Variants in PLEKHF2 observed in about 807,000 individuals in gnomAD.
PLEKHF2 encodes the protein pleckstrin homology domain-containing family F member 2.
PLEKHF2 carries 4 observed loss-of-function variants against 14.7 expected under a neutral mutation model. The ratio of observed to expected loss-of-function variants is 0.27; its 90% CI spans 0.13 to 0.62. The LOEUF (loss-of-function observed/expected upper bound fraction) is 0.62. PLEKHF2 is among the 20% of genes least tolerant of loss of function. The pLI, the probability that PLEKHF2 is intolerant of heterozygous loss-of-function variation, is 0.85. For missense variants in PLEKHF2, 201 were observed against 307.7 expected (o/e 0.65, Z 2.60); for synonymous variants, 90 against 103.5 (o/e 0.87, Z 0.79).
intron 1 of PLEKHF2, among the ~76,000 whole-genome samples, chr8:95,147,288 C>A (rs902582378): frequency 6.6e-6 from 1 of 151,978 alleles, no homozygotes; most frequent in Non-Finnish European, 1.5e-5. Context: ...ATACCCCAGA[C>A]CAATAAAATT....
At chr8:95,135,441 T>C (rs1423112928) in intron 1 of PLEKHF2, among the ~76,000 whole-genome samples, 1 of 152,144 alleles carries the variant, frequency 6.6e-6, no homozygotes, top group Non-Finnish European at 1.5e-5. Context: ...TCTCTGTCTG[T>C]CGCCCAGGCT....
intron 1 of PLEKHF2, among the ~76,000 whole-genome samples, chr8:95,141,329 C>T (rs1227007261): frequency 6.6e-6 from 1 of 152,190 alleles, no homozygotes; most frequent in Non-Finnish European, 1.5e-5. Flanking sequence ...TCAACTGGAT[C>T]CTGTTTTCAG....
intron 1 of PLEKHF2, among the ~76,000 whole-genome samples, chr8:95,141,543 T>G (rs1278305385): frequency 2.6e-5 from 4 of 152,112 alleles, no homozygotes; most frequent in Non-Finnish European, 5.9e-5. Context: ...TTTTTTCTTT[T>G]GAGAGGGAGT....
At chr8:95,143,093 C>CTTTTTTTTTTTTTTTTTTTTTTT in intron 1 of PLEKHF2, among the ~76,000 whole-genome samples, 1 of 141,044 alleles carries the variant, frequency 7.1e-6, no homozygotes. Flanking sequence ...AGGAAATAAT[C>CTTTTTTTTTTTTTTTTTTTTTTT]TTTTTTTTTT....
chr8:95,136,845 T>C (rs1263935457), intron 1 of PLEKHF2, among the ~76,000 whole-genome samples: 1 of 152,216 alleles, frequency 6.6e-6, no homozygotes, highest in Non-Finnish European at 1.5e-5. Context: ...TGGATACACT[T>C]TCACAGTGCT....
chr8:95,146,810 G>A (rs185136125), intron 1 of PLEKHF2, among the ~76,000 whole-genome samples: 68 of 149,226 alleles, frequency 4.6e-4, no homozygotes, highest in African/African-American at 1.6e-3. Flanking sequence ...AGAAGACAAC[G>A]TAAAAAAAAA....
intron 1 of PLEKHF2, among the ~76,000 whole-genome samples, chr8:95,137,233 T>G (rs1172659905): frequency 3.3e-5 from 5 of 152,202 alleles, no homozygotes. Flanking sequence ...CACCCAAGAT[T>G]CGATGTTTGT....
At chr8:95,149,164 A>C (rs28512193) in intron 1 of PLEKHF2, among the ~76,000 whole-genome samples, 12,231 of 152,182 alleles carry the variant, frequency 0.08, 669 homozygotes, top group African/African-American at 0.14. Flanking sequence ...AGAAAACATT[A>C]AATTAAATTA....
chr8:95,152,635 G>A (rs527707387), intron 1 of PLEKHF2, among the ~76,000 whole-genome samples: 1 of 152,080 alleles, frequency 6.6e-6, no homozygotes, highest in Middle Eastern at 3.4e-3. Context: ...TTTCCAGTTT[G>A]GAACCATGCA....
chr8:95,141,284 T>G (rs1476426614), intron 1 of PLEKHF2, among the ~76,000 whole-genome samples: 1 of 152,228 alleles, frequency 6.6e-6, no homozygotes, highest in East Asian at 1.9e-4. Flanking sequence ...TTCAGACTCT[T>G]CATCAACTTT....
intron 1 of PLEKHF2, chr8:95,134,333 T>TA (rs1035234947): frequency 1.3e-5 from 2 of 150,380 alleles, no homozygotes; most frequent in African/African-American, 2.4e-5. Context: ...GGCCGCCGGG[T>TA]AGGGTCCGGT....
rs1810599597 is a variant in PLEKHF2 at position 95,154,876 on chromosome 8, T to G, written c.*82T>G. On this transcript the variant is annotated 3_prime_UTR_variant, in exon 2 of 2. Transcript: ENST00000315367. The surrounding 1 kb of genome is among the most constrained non-coding windows in gnomAD (Gnocchi z 5.6). ...GAAATGTAAGATTCTGAGCTCTCTC[T>G]CTGTTTTGTTCTAGCCATGAATTTG... 9 of 1,506,066 alleles carry G rather than the reference T, an allele frequency of 6.0e-6. No individual in the cohort carries two copies. Among genetic ancestry groups the G allele is most frequent in the South Asian group, 1.3e-5 (1 of 79,456 alleles). 93.3% of individuals were successfully genotyped at this position (1,506,066 alleles called of 1,614,324 possible).
At chr8:95,147,532 C>T (rs1810512505) in intron 1 of PLEKHF2, among the ~76,000 whole-genome samples, 1 of 151,960 alleles carries the variant, frequency 6.6e-6, no homozygotes. Context: ...CATATGGTTT[C>T]ATTGGGCATT....
chr8:95,136,738 GTTGT>G (rs1335737401), intron 1 of PLEKHF2, among the ~76,000 whole-genome samples: 1 of 152,050 alleles, frequency 6.6e-6, no homozygotes, highest in Non-Finnish European at 1.5e-5. Flanking sequence ...TTTTTTTGTT[GTTGT>G]TTATCTTTGA....
chr8:95,155,260 G>T lies in PLEKHF2; in HGVS notation c.*466G>T, dbSNP rs1810605239. The T allele has an allele frequency of 5.7e-6, 1 of 176,686 alleles. No homozygotes were observed. The highest frequency in any genetic ancestry group is 1.4e-5 in the Non-Finnish European group (1 of 72,822). The allele number at this position is 176,686 out of a possible 1,614,324, so 10.9% of individuals were successfully genotyped here. ...AAACACATGATTTGGAAATACTTTG[G>T]CTTTTTCATATACCTAGTGGTGCCT... is the stretch of plus-strand genomic sequence containing the variant. On this transcript the variant is annotated 3_prime_UTR_variant, in exon 2 of 2. Transcript: ENST00000315367.
chr8:95,135,546 G>C (rs1029965924), intron 1 of PLEKHF2, among the ~76,000 whole-genome samples: 1 of 152,142 alleles, frequency 6.6e-6, no homozygotes, highest in Admixed American at 6.5e-5. Flanking sequence ...GACTACAGGA[G>C]CGCATCACCA....
intron 1 of PLEKHF2, among the ~76,000 whole-genome samples, chr8:95,141,433 G>T (rs534349507): frequency 6.6e-6 from 1 of 152,228 alleles, no homozygotes; most frequent in African/African-American, 2.4e-5. Context: ...GTTTCAGAAG[G>T]AAGTCTTAGA....
intron 1 of PLEKHF2, among the ~76,000 whole-genome samples, chr8:95,139,934 C>T (rs370773798): frequency 5.3e-5 from 8 of 152,080 alleles, no homozygotes; most frequent in Middle Eastern, 6.8e-3. Flanking sequence ...CTTTGTGTCC[C>T]GTTCTTTTTT....
intron 1 of PLEKHF2, among the ~76,000 whole-genome samples, chr8:95,146,356 T>C (rs2132108568): frequency 6.6e-6 from 1 of 152,300 alleles, no homozygotes; most frequent in Non-Finnish European, 1.5e-5. Context: ...GTAACAGATA[T>C]CATGGGTATA....
Sources: allele counts gnomAD v4.1 joint callset (sites outside exome capture counted in the v4.1 genomes callset), GRCh38; gene constraint gnomAD v4.1.1; non-coding constraint Gnocchi (gnomAD v3.1); transcripts MANE v1.5; gene names NCBI Gene and HGNC (gene_info 2026-07-23, HGNC 2026-07-21).